The following PAK3 variants were observed in gnomAD, a reference collection of about 807,000 sequenced individuals.
PAK3 encodes the protein serine/threonine-protein kinase PAK 3.
In PAK3, 4 loss-of-function variants were observed where a neutral mutation model predicts 41.0. The observed-to-expected ratio is 0.10, with a 90% CI of 0.05 to 0.22. The LOEUF (loss-of-function observed/expected upper bound fraction) is 0.22. Among genes scored for constraint, PAK3 ranks in the 10% least tolerant of loss-of-function variants. The pLI is 1.00. For synonymous variants in PAK3, 146 were observed against 139.6 expected (o/e 1.05, Z -0.32); for missense variants, 205 against 409.9 (o/e 0.50, Z 4.32).
chrX:111,068,421 A>C (rs765212651), intron 1 of PAK3, among the ~76,000 whole-genome samples: 1 of 111,825 alleles, frequency 8.9e-6, no homozygotes, highest in East Asian at 2.8e-4. Flanking sequence ...CACCTCAGCC[A>C]CCTGAGTAGC....
At chrX:111,074,733 A>G (rs2092771185) in intron 1 of PAK3, among the ~76,000 whole-genome samples, 1 of 112,259 alleles carries the variant, frequency 8.9e-6, no homozygotes, top group Non-Finnish European at 1.9e-5. Context: ...AGACAGAAAG[A>G]TTAGGGAAAT....
At chrX:111,195,364 A>G (rs1399333450) in intron 14 of PAK3, among the ~76,000 whole-genome samples, 2 of 112,100 alleles carry the variant, frequency 1.8e-5, no homozygotes, top group African/African-American at 6.5e-5. Flanking sequence ...ACAAGTGCCT[A>G]TAGTTACTTC....
chrX:111,043,686 A>G (rs2092472335), intron 1 of PAK3, among the ~76,000 whole-genome samples: 1 of 112,166 alleles, frequency 8.9e-6, no homozygotes, highest in South Asian at 3.7e-4. Flanking sequence ...AGTAAATTTA[A>G]GTTTACTAAT....
At chrX:111,002,125 CT>C (rs1371311195) in intron 1 of PAK3, among the ~76,000 whole-genome samples, 3 of 111,741 alleles carry the variant, frequency 2.7e-5, no homozygotes, top group Non-Finnish European at 3.8e-5. Flanking sequence ...CCATTACCCT[CT>C]TTTTAGAAAG....
chrX:111,035,147 GAAAGAAAGGAAGA>G (rs2092385349), intron 1 of PAK3, among the ~76,000 whole-genome samples: 1 of 29,413 alleles, frequency 3.4e-5, no homozygotes, highest in African/African-American at 6.4e-5. Context: ...AAGAAAGAAA[GAAAGAAAGGAAGA>G]AAGAAAGAAA....
rs756837500 is a variant in PAK3 at position 111,056,091 on chromosome X, GA to G, written c.-27-66983del. Among the ~76,000 whole-genome samples the G allele has an allele frequency of 3.6e-5, 4 of 111,786 alleles. No homozygotes were observed. The East Asian group carries it at 1.1e-3, about 31-fold the overall frequency. ...TAGTCACAGGGAGGGGAAAATCTAG[GA>G]AACTTCTAAGATAGTTCCAGCCCCC... On this transcript the variant is annotated intron_variant, in intron 1 of 14. Transcript: ENST00000425146.
chrX:111,162,289 A>G (rs952293774), intron 8 of PAK3, among the ~76,000 whole-genome samples: 1 of 112,012 alleles, frequency 8.9e-6, no homozygotes, highest in Non-Finnish European at 1.9e-5. Context: ...TTTATAAAAT[A>G]TTGAAAATCT....
chrX:111,144,949 TTATGA>T (rs2093924075), intron 6 of PAK3: 1 of 863,721 alleles, frequency 1.2e-6, no homozygotes, highest in African/African-American at 2.0e-5. Context: ...TTATCATTTC[TTATGA>T]TAAGATAAAT....
chrX:110,948,791 C>T (rs2090678432), intron 1 of PAK3, among the ~76,000 whole-genome samples: 1 of 111,685 alleles, frequency 9.0e-6, no homozygotes, highest in African/African-American at 3.3e-5. Context: ...CAGCAAGCTT[C>T]AGTTGTAATA....
intron 8 of PAK3, among the ~76,000 whole-genome samples, chrX:111,159,371 T>C (rs187285822): frequency 4.1e-4 from 46 of 111,775 alleles, no homozygotes; most frequent in African/African-American, 1.5e-3. Flanking sequence ...TTTTTGGAGC[T>C]GATGATTTAT....
At chrX:111,206,195 T>C (rs1417216751) in intron 16 of PAK3, among the ~76,000 whole-genome samples, 1 of 111,123 alleles carries the variant, frequency 9.0e-6, no homozygotes, top group African/African-American at 3.3e-5. Context: ...TTGGCCCCTG[T>C]TTTTGCCCTA....
intron 1 of PAK3, among the ~76,000 whole-genome samples, chrX:111,035,131 A>AAAAAAAAG (rs2092383860): frequency 1.8e-5 from 1 of 54,265 alleles, no homozygotes; most frequent in African/African-American, 5.9e-5. Flanking sequence ...AAAAAAAAAA[A>AAAAAAAAG]AAAGAAAGAA....
chrX:110,997,015 A>T (rs972760029), intron 1 of PAK3, among the ~76,000 whole-genome samples: 4 of 112,171 alleles, frequency 3.6e-5, no homozygotes, highest in African/African-American at 6.5e-5. Context: ...GACCTGAAAG[A>T]AGTGACAGAT....
intron 1 of PAK3, among the ~76,000 whole-genome samples, chrX:110,955,622 A>C (rs901509113): frequency 7.2e-5 from 8 of 111,735 alleles, no homozygotes; most frequent in Non-Finnish European, 1.3e-4. Flanking sequence ...TGGGCAAAAG[A>C]GTGAGACCCT....
intron 16 of PAK3, among the ~76,000 whole-genome samples, chrX:111,214,657 G>A (rs2094857598): frequency 9.0e-6 from 1 of 111,237 alleles, no homozygotes; most frequent in Non-Finnish European, 1.9e-5. Flanking sequence ...GGATGATTCT[G>A]ATGCATGCTA....
At chrX:111,136,734 G>C (rs918772784) in intron 5 of PAK3, among the ~76,000 whole-genome samples, 1 of 111,632 alleles carries the variant, frequency 9.0e-6, no homozygotes, top group Non-Finnish European at 1.9e-5. Context: ...GCAGAGAAAG[G>C]GTTATTCTGG....
rs752122363 is a variant in PAK3 at position 111,222,210 on chromosome X, T to A, written c.*1763T>A. On this transcript the variant is annotated 3_prime_UTR_variant, in exon 18 of 18. Transcript: ENST00000372007. The stretch of plus-strand genomic sequence containing the variant: ...CAGAAGGGGAAAGAGATCAGTTACA[T>A]AGGCCTCTCTCCTTCTTTGCCAAGG... 1 of 112,227 alleles carries A rather than the reference T, an allele frequency of 8.9e-6. No individual in the cohort carries two copies. The highest frequency in any genetic ancestry group is 9.5e-5 in the Admixed American group (1 of 10,554). 9.2% of individuals were successfully genotyped at this position (112,227 alleles called of 1,213,427 possible). A position where few individuals can be genotyped will look rare whatever the true frequency, so the allele number is the denominator to read the frequency against.
intron 1 of PAK3, among the ~76,000 whole-genome samples, chrX:111,063,246 T>A (rs1166584771): frequency 1.8e-5 from 2 of 112,246 alleles, no homozygotes; most frequent in African/African-American, 6.5e-5. Flanking sequence ...TCACCTAAAC[T>A]CTCTGTGCCT....
At chrX:111,008,823 A>G (rs1010709465) in intron 1 of PAK3, among the ~76,000 whole-genome samples, 1 of 111,670 alleles carries the variant, frequency 9.0e-6, no homozygotes, top group Non-Finnish European at 1.9e-5. Flanking sequence ...TCTTACAGTC[A>G]AGGATCACAG....
Sources: allele counts gnomAD v4.1 joint callset (sites outside exome capture counted in the v4.1 genomes callset), GRCh38; gene constraint gnomAD v4.1.1; transcripts MANE v1.5; gene names NCBI Gene and HGNC (gene_info 2026-07-23, HGNC 2026-07-21).